FN1: variants seen among roughly 807,000 people sequenced by gnomAD.
The protein encoded by FN1 is fibronectin 1.
FN1 carries 106 observed loss-of-function variants against 297.3 expected under a neutral mutation model. The observed-to-expected ratio is 0.36, with a 90% CI of 0.30 to 0.42. FN1 has a LOEUF of 0.42. Among genes scored for constraint, FN1 ranks in the 10% least tolerant of loss-of-function variants. The probability of loss-of-function intolerance (pLI) is 1.00; values close to 1 mark genes in which losing one functional copy is unlikely to be tolerated. For synonymous variants in FN1, 1,149 were observed against 1,152.6 expected (o/e 1.00, Z 0.06); for missense variants, 2,690 against 3,124.9 (o/e 0.86, Z 3.32).
Position 215,380,938 on chromosome 2 carries a change from A to G in FN1, c.5307T>C (p.Pro1769=), listed in dbSNP as rs1173551977. ...CAGTGTCTTCTTCACCATCAGGTGC[A>G]GGGAATAGCTCATGGATTCCATCCT... ...SPEDGIHELF[P]APDGEEDTAE... is the part of the protein sequence containing the mutation. The change falls in exon 33 of 46, where the codon CCT becomes CCC. Residue 1769 remains proline, a synonymous_variant. Coordinates refer to ENST00000354785, the MANE Select transcript of FN1 (RefSeq NM_212482.4). The G allele has an allele frequency of 1.2e-6, 2 of 1,614,276 alleles. No homozygotes were observed. The highest frequency in any genetic ancestry group is 8.5e-7 in the Non-Finnish European group (1 of 1,180,054).
At chr2:215,391,880 G>A in intron 25 of FN1, 66 bp from the exon 26 acceptor site, 1 of 1,414,970 alleles carries the variant, frequency 7.1e-7, no homozygotes, top group Non-Finnish European at 1.0e-6. Context: ...CGAAGTAGCT[G>A]GAAAGGTAAA....
intron 26 of FN1, among the ~76,000 whole-genome samples, chr2:215,390,079 A>G (rs1275499473): frequency 6.6e-6 from 1 of 152,218 alleles, no homozygotes; most frequent in African/African-American, 2.4e-5. Context: ...AAGTTTGGAA[A>G]AGTGCCAGAA....
intron 23 of FN1, 141 bp from the exon 24 acceptor site, chr2:215,394,860 T>C (rs2060122867): frequency 1.4e-6 from 1 of 695,156 alleles, no homozygotes; most frequent in Non-Finnish European, 2.6e-6. Flanking sequence ...TGTTATTCAA[T>C]GCTTGCAACA....
intron 33 of FN1, chr2:215,380,082 A>G (rs2057994247): frequency 6.6e-6 from 1 of 152,294 alleles, no homozygotes; most frequent in East Asian, 1.9e-4. Flanking sequence ...TAATGTTTTT[A>G]TTGTCTCTTT....
In FN1 at chr2:215,409,731, C is replaced by T. The variant is rs201575058; in HGVS notation, c.2131G>A (p.Val711Met). ...STSTPVTSNT[V>M]TGETTPFSPL... ...GAAAAGGGAGTCGTCTCTCCTGTCA[C>T]GGTGTTGCCTAGAGAGTCACAGAAA... Residue 711 changes from valine to methionine, a missense_variant, in exon 15 of 46, where the codon GTG becomes ATG. By Grantham distance (21) the Val-to-Met change is conservative (BLOSUM62 1). Coordinates refer to ENST00000354785, the MANE Select transcript of FN1 (RefSeq NM_212482.4). The T allele has an allele frequency of 8.2e-5, 132 of 1,614,034 alleles. No individual in the cohort carries two copies. The East Asian group carries it at 1.6e-3, about 19-fold the overall frequency.
intron 13 of FN1, among the ~76,000 whole-genome samples, chr2:215,410,473 G>A (rs79034648): frequency 0.028 from 4,155 of 150,716 alleles, 50 homozygotes; most frequent in Middle Eastern, 0.038. Context: ...TGATATGCCC[G>A]GGGTGACATA....
chr2:215,411,047 C>T (rs2062553203), intron 13 of FN1, among the ~76,000 whole-genome samples: 2 of 152,274 alleles, frequency 1.3e-5, no homozygotes, highest in Admixed American at 6.5e-5. Flanking sequence ...CCAGGTTCAA[C>T]GAGTCTGGTT....
chr2:215,415,328 T>G (rs570716579), intron 12 of FN1, among the ~76,000 whole-genome samples: 1 of 152,302 alleles, frequency 6.6e-6, no homozygotes, highest in South Asian at 2.1e-4. Context: ...CTTCATTTAC[T>G]TATTGTATTG....
chr2:215,427,776 C>G (rs1248343776), intron 6 of FN1, among the ~76,000 whole-genome samples: 2 of 152,054 alleles, frequency 1.3e-5, no homozygotes, highest in African/African-American at 4.8e-5. Flanking sequence ...TTTGTCCTTT[C>G]CTAGCAGAAG....
At chr2:215,410,925 A>G (rs1310099230) in intron 13 of FN1, among the ~76,000 whole-genome samples, 1 of 152,206 alleles carries the variant, frequency 6.6e-6, no homozygotes. Flanking sequence ...TCCTCTCTGA[A>G]GTACAGAAAT....
At chr2:215,400,815 A>C (rs1393833219) in intron 20 of FN1, among the ~76,000 whole-genome samples, 1 of 140,340 alleles carries the variant, frequency 7.1e-6, no homozygotes, top group Non-Finnish European at 1.5e-5. Flanking sequence ...TTTTTTTTTG[A>C]GATGGACTCT....
chr2:215,406,532 G>A (rs1199638296), intron 18 of FN1, 22 bp from the exon 19 acceptor site: 1 of 1,612,064 alleles, frequency 6.2e-7, no homozygotes, highest in Admixed American at 1.7e-5. Context: ...GAGTCAACTG[G>A]TCATTCACAT....
At chr2:215,410,610 C>T (rs950976673) in intron 13 of FN1, among the ~76,000 whole-genome samples, 4 of 151,766 alleles carry the variant, frequency 2.6e-5, no homozygotes, top group African/African-American at 4.8e-5. Context: ...CAGGTTTAAG[C>T]GCTTCTCCTG....
chr2:215,375,537 T>C (rs936516884), intron 37 of FN1, 92 bp downstream of exon 37: 2 of 1,221,990 alleles, frequency 1.6e-6, no homozygotes, highest in African/African-American at 1.5e-5. Context: ...GAATCTATAA[T>C]ACAAAAATAT....
In FN1 at chr2:215,410,125, AAATT is replaced by A. The variant is rs1394377910; in HGVS notation, c.1942-15_1942-12del. On this transcript the variant is annotated splice_polypyrimidine_tract_variant and intron_variant, in intron 13 of 45. Coordinates refer to ENST00000354785, the MANE Select transcript of FN1 (RefSeq NM_212482.4). ...GCCTACAGAATTTTTCTGAAAATTT[AAATT>A]AACACACACACACACACACACACGT... 23 of 1,543,490 alleles carry A rather than the reference AAATT, an allele frequency of 1.5e-5. No individual in the cohort carries two copies. Among genetic ancestry groups the A allele is most frequent in the Non-Finnish European group, 2.0e-5 (23 of 1,146,324 alleles).
intron 40 of FN1, chr2:215,370,654 A>T: frequency 1.8e-6 from 1 of 544,182 alleles, no homozygotes; most frequent in Non-Finnish European, 3.3e-6. Context: ...TTTCCTGCCA[A>T]CAATCTACCT....
At chr2:215,427,175 G>A (rs530044117) in intron 6 of FN1, among the ~76,000 whole-genome samples, 118 of 152,132 alleles carry the variant, frequency 7.8e-4, no homozygotes, top group Non-Finnish European at 7.9e-4. Flanking sequence ...GCGCGTGGCC[G>A]ATGTTTATAA....
At chr2:215,424,352 G>A in intron 7 of FN1, 27 bp from the exon 8 acceptor site, 2 of 1,599,702 alleles carry the variant, frequency 1.3e-6, no homozygotes, top group Non-Finnish European at 1.7e-6. Context: ...AAGAGTGTCA[G>A]TAAACAGAGA....
chr2:215,428,323 TG>T lies in FN1; in HGVS notation c.700del (p.Gln234ArgfsTer90). 1.9e-6 allele frequency: 3 copies of T among 1,614,140 alleles called. No homozygotes were observed. The highest frequency in any genetic ancestry group is 2.5e-6 in the Non-Finnish European group (3 of 1,180,000). ...TCTSRNRCND[Q>X]DTRTSYRIGD... ...AATTCTATAGGATGTCCTTGTGTCCTGATCGTTGCATCTATCTGTGTCACAA... is the reference window on the plus strand; with the variant it reads ...AATTCTATAGGATGTCCTTGTGTCCTATCGTTGCATCTATCTGTGTCACAA... On this transcript the variant is annotated frameshift_variant, in exon 6 of 46. Coordinates refer to ENST00000354785, the MANE Select transcript of FN1 (RefSeq NM_212482.4). LOFTEE classifies it high-confidence loss of function.
Sources: gnomAD v4.1 joint callset for allele counts (sites outside exome capture counted in the v4.1 genomes callset) on GRCh38, gnomAD v4.1.1 for gene constraint, MANE v1.5 for transcripts, NCBI Gene and HGNC (gene_info 2026-07-23, HGNC 2026-07-21) for gene names.